BLNK: variants seen among roughly 807,000 people sequenced by gnomAD.
The protein encoded by BLNK is B cell linker.
Under a neutral mutation model 73.5 loss-of-function variants are expected in BLNK, and 29 were observed. The observed-to-expected ratio is 0.39, with a 90% CI of 0.29 to 0.54. BLNK has a LOEUF of 0.54. Ranked by LOEUF, BLNK falls within the 20% of genes least tolerant of loss-of-function variation. The pLI, the probability that BLNK is intolerant of heterozygous loss-of-function variation, is 0.61. For missense variants in BLNK, 460 were observed against 562.8 expected, an observed-to-expected ratio of 0.82 and a Z score of 1.85; for synonymous variants, 176 against 200.8, an observed-to-expected ratio of 0.88 and a Z score of 1.04.
intron 13 of BLNK, 70 bp downstream of exon 13, chr10:96,203,987 C>T (rs368840919): frequency 1.8e-5 from 25 of 1,353,884 alleles, no homozygotes; most frequent in Non-Finnish European, 2.7e-5. Context: ...TGTTAGAACC[C>T]AGGCCTATCA....
chr10:96,190,987 A>G lies in BLNK; in HGVS notation c.*986T>C, dbSNP rs1554893241. ...TCACCCAAATCTCATCTTGAATTGT[A>G]GCTCCCATAATCCCCACGTGCCATG... On this transcript the variant is annotated 3_prime_UTR_variant, in exon 17 of 17. Coordinates refer to ENST00000224337, the MANE Select transcript of BLNK (RefSeq NM_013314.4). Among the ~76,000 whole-genome samples the G allele has an allele frequency of 6.6e-6, 1 of 152,150 alleles. No homozygotes were observed. Among genetic ancestry groups the G allele is most frequent in the African/African-American group, 2.4e-5 (1 of 41,442 alleles).
At chr10:96,216,467 A>G in intron 7 of BLNK, 186 bp downstream of exon 7, 1 of 646,120 alleles carries the variant, frequency 1.5e-6, no homozygotes, top group African/African-American at 1.8e-5. Context: ...AAGGGCTATG[A>G]TACACAGAGA....
At chr10:96,212,260 G>A (rs144156400) in intron 8 of BLNK, among the ~76,000 whole-genome samples, 314 of 152,202 alleles carry the variant, frequency 2.1e-3, no homozygotes, top group African/African-American at 7.1e-3. Flanking sequence ...TGGGTCACTG[G>A]CCCATGAAAC....
intron 2 of BLNK, among the ~76,000 whole-genome samples, chr10:96,246,467 G>A (rs372359280): frequency 1.7e-4 from 26 of 152,148 alleles, no homozygotes; most frequent in African/African-American, 6.3e-4. Flanking sequence ...CAGGAGAATC[G>A]CTTGAACCCA....
intron 13 of BLNK, among the ~76,000 whole-genome samples, chr10:96,201,958 G>A (rs78415136): frequency 6.6e-6 from 1 of 152,274 alleles, no homozygotes; most frequent in African/African-American, 2.4e-5. Context: ...AGGAAAGGAA[G>A]AATATGTGGG....
intron 1 of BLNK, among the ~76,000 whole-genome samples, chr10:96,265,246 A>T (rs543581277): frequency 6.6e-6 from 1 of 151,880 alleles, no homozygotes; most frequent in East Asian, 1.9e-4. Context: ...AGCCTCCCAA[A>T]GTGCTGGGAT....
intron 12 of BLNK, 55 bp from the exon 13 acceptor site, chr10:96,204,143 G>C: frequency 6.3e-7 from 1 of 1,593,508 alleles, no homozygotes; most frequent in East Asian, 2.2e-5. Flanking sequence ...GAGTAAGTTT[G>C]ACTTTTTGTT....
In BLNK at chr10:96,229,980, C is replaced by T. The variant is rs587699953; in HGVS notation, c.204+814G>A. On this transcript the variant is annotated intron_variant, in intron 4 of 16. Coordinates refer to ENST00000224337, the MANE Select transcript of BLNK (RefSeq NM_013314.4). Reference sequence around the variant, plus strand: ...ACTGGGTGATTTTCATTCTCTTGGCCTCAGTTTTCTTATCTGTGAAATGGG... The same window carrying T: ...ACTGGGTGATTTTCATTCTCTTGGCTTCAGTTTTCTTATCTGTGAAATGGG... Among the ~76,000 whole-genome samples, 3 of 152,194 alleles carry T rather than the reference C, an allele frequency of 2.0e-5. No individual in the cohort carries two copies. In the South Asian group the frequency reaches 6.2e-4, roughly 32 times the overall value.
intron 4 of BLNK, among the ~76,000 whole-genome samples, chr10:96,229,769 A>AGG (rs1187993728): frequency 1.3e-5 from 2 of 151,612 alleles, no homozygotes; most frequent in Non-Finnish European, 2.9e-5. Context: ...GGGCCCCAGG[A>AGG]GGAGCTCCAT....
chr10:96,230,775 C>A lies in BLNK; in HGVS notation c.204+19G>T. 1.2e-6 allele frequency: 2 copies of A among 1,605,326 alleles called. No homozygotes were observed. The highest frequency in any genetic ancestry group is 1.7e-6 in the Non-Finnish European group (2 of 1,175,974). On this transcript the variant is annotated intron_variant, in intron 4 of 16. Coordinates refer to ENST00000224337, the MANE Select transcript of BLNK (RefSeq NM_013314.4). ...CATGGGACCCTGATGCCCTCCTGGTCCCAGGAGCAAATACTTACAAAGTCA... is the reference window on the plus strand; with the variant it reads ...CATGGGACCCTGATGCCCTCCTGGTACCAGGAGCAAATACTTACAAAGTCA...
At chr10:96,207,940 A>G in intron 9 of BLNK, 41 bp from the exon 10 acceptor site, 1 of 1,600,904 alleles carries the variant, frequency 6.2e-7, no homozygotes. Context: ...AAACACAACG[A>G]AGACAAAATG....
Position 96,230,209 on chromosome 10 carries a change from G to T in BLNK, c.204+585C>A, listed in dbSNP as rs188212825. ...ACATCCCCAGTGTCATCATGGCCAG[G>T]TCCCTCTCTCTGTGGCTCCGGAGCT... On this transcript the variant is annotated intron_variant, in intron 4 of 16. Transcript: ENST00000224337. 2.9e-3 allele frequency among the ~76,000 whole-genome samples: 439 copies of T among 152,264 alleles called. 2 individuals carry two copies. Among genetic ancestry groups the T allele is most frequent in the African/African-American group, 8.7e-3 (363 of 41,550 alleles).
chr10:96,255,633 T>A (rs1297717061), intron 1 of BLNK, among the ~76,000 whole-genome samples: 5 of 152,078 alleles, frequency 3.3e-5, no homozygotes, highest in African/African-American at 1.2e-4. Context: ...ACAGAATAAA[T>A]AAATCCTTCC....
At position 96,247,686 on chromosome 10, in the gene BLNK, A is replaced by G. The variant is rs77569520; in HGVS notation, c.48-637T>C. Among the ~76,000 whole-genome samples, 137 of 152,336 alleles carry G rather than the reference A, an allele frequency of 9.0e-4. 1 individual carries two copies. In the East Asian group the frequency reaches 0.024, roughly 27 times the overall value. ...GAGGCTACTACCTTTGCACTGCGTTATAGATGAGAAATGGAAAGTGCCTCT... is the reference window on the plus strand; with the variant it reads ...GAGGCTACTACCTTTGCACTGCGTTGTAGATGAGAAATGGAAAGTGCCTCT... On this transcript the variant is annotated intron_variant, in intron 1 of 16. Transcript: ENST00000224337.
chr10:96,197,451 T>C (rs2083496674), intron 15 of BLNK, among the ~76,000 whole-genome samples: 1 of 152,146 alleles, frequency 6.6e-6, no homozygotes, highest in Non-Finnish European at 1.5e-5. Flanking sequence ...ACTACTGGCA[T>C]GCACCACCAT....
intron 1 of BLNK, among the ~76,000 whole-genome samples, chr10:96,269,627 C>T (rs907603852): frequency 6.6e-5 from 10 of 152,096 alleles, no homozygotes; most frequent in South Asian, 4.2e-4. Flanking sequence ...CCCACTCCAA[C>T]GCATCCTACC....
rs369791208 is a variant in BLNK at position 96,209,913 on chromosome 10, C to T, written c.677-6G>A. On this transcript the variant is annotated splice_polypyrimidine_tract_variant and splice_region_variant and intron_variant, in intron 8 of 16. Coordinates refer to ENST00000224337, the MANE Select transcript of BLNK (RefSeq NM_013314.4). ...CCAGGCCCCACTGTTTCGACCTGCA[C>T]AAACATATACACTACTCAGTCCCCA... The T allele has an allele frequency of 3.7e-6, 6 of 1,614,080 alleles. No individual in the cohort carries two copies. In the African/African-American group the frequency reaches 6.7e-5, roughly 18 times the overall value.
At position 96,271,545 on chromosome 10, in the gene BLNK, A is replaced by T. The variant is rs2134166845; in HGVS notation, c.-147T>A. 1 of 784,706 alleles carries T rather than the reference A, an allele frequency of 1.3e-6. No individual in the cohort carries two copies. The highest frequency in any genetic ancestry group is 2.2e-6 in the Non-Finnish European group (1 of 445,910). 48.6% of individuals were successfully genotyped at this position (784,706 alleles called of 1,614,324 possible). On this transcript the variant is annotated 5_prime_UTR_variant, in exon 1 of 17. Transcript: ENST00000224337. Reference sequence around the variant, plus strand: ...ATTTCTGAGAGTGCAGGCTGCTGGCAAACACCCCTGCTCTAGGGAGAAGTA... The same window carrying T: ...ATTTCTGAGAGTGCAGGCTGCTGGCTAACACCCCTGCTCTAGGGAGAAGTA...
intron 16 of BLNK, among the ~76,000 whole-genome samples, chr10:96,192,488 T>C (rs782060925): frequency 1.3e-5 from 2 of 152,206 alleles, no homozygotes; most frequent in Non-Finnish European, 2.9e-5. Context: ...ATTGATGTAA[T>C]AAATTAACCT....
Sources: allele counts gnomAD v4.1 joint callset (sites outside exome capture counted in the v4.1 genomes callset), GRCh38; gene constraint gnomAD v4.1.1; transcripts MANE v1.5; gene names NCBI Gene and HGNC (gene_info 2026-07-23, HGNC 2026-07-21).